The following KIF13B variants were observed in gnomAD, a reference collection of about 807,000 sequenced individuals.
KIF13B encodes kinesin family member 13B.
A neutral mutation model predicts 222.0 loss-of-function variants in KIF13B; 127 were observed. That is an observed-to-expected ratio of 0.57 (90% confidence interval 0.50 to 0.66). KIF13B has a LOEUF of 0.66. KIF13B is among the 30% of genes least tolerant of loss of function. The pLI is 0.00. For missense variants in KIF13B, 2,173 were observed against 2,379.0 expected (o/e 0.91, Z 1.80); for synonymous variants, 976 against 919.0 (o/e 1.06, Z -1.12).
chr8:29,126,446 G>A, intron 26 of KIF13B, 36 bp downstream of exon 26: 3 of 1,364,852 alleles, frequency 2.2e-6, no homozygotes, highest in Non-Finnish European at 3.1e-6. Context: ...CTTTAATCAT[G>A]CTTATTTGAG....
chr8:29,221,465 TAAA>T (rs758078417), intron 2 of KIF13B, among the ~76,000 whole-genome samples: 7 of 130,666 alleles, frequency 5.4e-5, no homozygotes, highest in Admixed American at 7.7e-5. Context: ...ACCCTGTATT[TAAA>T]AAAAAAAAAA....
chr8:29,172,729 C>T (rs1034507039), intron 10 of KIF13B, among the ~76,000 whole-genome samples: 1 of 152,140 alleles, frequency 6.6e-6, no homozygotes, highest in Non-Finnish European at 1.5e-5. Context: ...GTCATCTGAC[C>T]ACTGGGAACA....
intron 2 of KIF13B, among the ~76,000 whole-genome samples, chr8:29,225,448 G>A (rs10100409): frequency 0.14 from 21,615 of 152,138 alleles, 1,612 homozygotes; most frequent in Non-Finnish European, 0.16. Flanking sequence ...AGGTGGGAGC[G>A]TGACTGGAGA....
chr8:29,146,145 G>C (rs1811049862), intron 18 of KIF13B: 6 of 594,542 alleles, frequency 1.0e-5, no homozygotes. Flanking sequence ...TGAGTGAAAT[G>C]AACTGTCAGG....
chr8:29,209,003 T>C (rs1401512023), intron 2 of KIF13B, among the ~76,000 whole-genome samples: 1 of 152,218 alleles, frequency 6.6e-6, no homozygotes, highest in African/African-American at 2.4e-5. Flanking sequence ...AGTCTGTTTG[T>C]TCGCATTTGC....
chr8:29,200,158 G>A (rs1813630018), intron 2 of KIF13B, among the ~76,000 whole-genome samples: 1 of 152,110 alleles, frequency 6.6e-6, no homozygotes, highest in Non-Finnish European at 1.5e-5. Context: ...GGATTCTGAT[G>A]GCTATGACAG....
At chr8:29,109,364 GA>G (rs1809246403) in intron 34 of KIF13B, 69 bp downstream of exon 34, 1 of 1,213,076 alleles carries the variant, frequency 8.2e-7, no homozygotes, top group Non-Finnish European at 1.2e-6. Flanking sequence ...GGGTGGAGAA[GA>G]GTTACCCAAG....
chr8:29,071,991 A>C lies in KIF13B; in HGVS notation c.4847T>G (p.Val1616Gly). 1 of 1,304,826 alleles carries C rather than the reference A, an allele frequency of 7.7e-7. No homozygotes were observed. The highest frequency in any genetic ancestry group is 9.7e-7 in the Non-Finnish European group (1 of 1,030,434). The allele number at this position is 1,304,826 out of a possible 1,614,324, so 80.8% of individuals were successfully genotyped here. A position where few individuals can be genotyped will look rare whatever the true frequency, so the allele number is the denominator to read the frequency against. ...PISHPPPPTAVPAEEPPGPQQ... is the reference protein window; with the variant it reads ...PISHPPPPTAGPAEEPPGPQQ... ...GGGGCCAGGGGGCTCCTCGGCGGGGACGGCCGTGGGCGGTGGGGGGTGGCT... is the reference window on the plus strand; with the variant it reads ...GGGGCCAGGGGGCTCCTCGGCGGGGCCGGCCGTGGGCGGTGGGGGGTGGCT... The change falls in exon 39 of 40, where the codon GTC becomes GGC. Residue 1616 changes from valine to glycine, a missense_variant. Val to Gly is a moderately radical substitution (Grantham distance 109, BLOSUM62 -3). Around this residue, in one of 2 missense-constraint regions of KIF13B, gnomAD observed 693 missense variants for 656.2 expected, o/e 1.06. Transcript: ENST00000524189. This position sits in a 1 kb window ranked among gnomAD's most constrained non-coding sequence, Gnocchi z 4.9.
At chr8:29,181,532 T>C (rs570637489) in intron 7 of KIF13B, among the ~76,000 whole-genome samples, 2 of 152,310 alleles carry the variant, frequency 1.3e-5, no homozygotes, top group South Asian at 2.1e-4. Context: ...CAATTTTCTA[T>C]TAGAAGAAGA....
intron 37 of KIF13B, among the ~76,000 whole-genome samples, chr8:29,084,238 A>T (rs1646243812): frequency 6.6e-6 from 1 of 152,140 alleles, no homozygotes; most frequent in African/African-American, 2.4e-5. Context: ...TTTAGTTAGG[A>T]TGTTGAACCT....
chr8:29,250,116 C>T, intron 1 of KIF13B: 1 of 1,154,624 alleles, frequency 8.7e-7, no homozygotes, highest in South Asian at 1.3e-5. Context: ...TATCAACTCT[C>T]CGGAAATCTA....
At chr8:29,110,796 A>G (rs1038963845) in intron 32 of KIF13B, 1 of 152,238 alleles carries the variant, frequency 6.6e-6, no homozygotes, top group African/African-American at 2.4e-5. Flanking sequence ...TAGTTATTTC[A>G]AGCAAAGTGG....
intron 2 of KIF13B, among the ~76,000 whole-genome samples, chr8:29,200,659 A>C (rs913378552): frequency 3.9e-5 from 6 of 152,186 alleles, no homozygotes; most frequent in African/African-American, 1.2e-4. Context: ...AACCTCCTCC[A>C]AATTTTGCCA....
chr8:29,071,969 G>T lies in KIF13B; in HGVS notation c.4869C>A (p.Gly1623=). Residue 1623 remains glycine, a synonymous_variant, in exon 39 of 40, where the codon GGC becomes GGA. Coordinates refer to ENST00000524189, the MANE Select transcript of KIF13B (RefSeq NM_015254.4). The surrounding 1 kb of genome is among the most constrained non-coding windows in gnomAD (Gnocchi z 4.9). ...PTAVPAEEPP[G]PQQLVSPGRE... ...GACCGGGGCTCACGAGCTGCTGGGG[G>T]CCAGGGGGCTCCTCGGCGGGGACGG... 7.5e-7 allele frequency: 1 copy of T among 1,325,868 alleles called. No individual in the cohort carries two copies. The highest frequency in any genetic ancestry group is 1.8e-5 in the South Asian group (1 of 54,476). The allele number at this position is 1,325,868 out of a possible 1,614,324, so 82.1% of individuals were successfully genotyped here.
chr8:29,189,421 T>C (rs975811236), intron 4 of KIF13B: 1 of 151,946 alleles, frequency 6.6e-6, no homozygotes, highest in Admixed American at 6.6e-5. Context: ...ATGCTTAATA[T>C]TTAAAAGAGA....
intron 2 of KIF13B, among the ~76,000 whole-genome samples, chr8:29,216,955 C>T (rs1025846642): frequency 6.7e-6 from 1 of 149,024 alleles, no homozygotes; most frequent in African/African-American, 2.5e-5. Context: ...GACGTATATT[C>T]AGTCCAAAAA....
At chr8:29,105,651 T>C (rs13275345) in intron 35 of KIF13B, among the ~76,000 whole-genome samples, 11 of 11,332 alleles carry the variant, frequency 9.7e-4, no homozygotes, top group African/African-American at 1.8e-3. Context: ...GTTTGTTTGG[T>C]TTTTTTTTTT....
At chr8:29,182,435 G>A (rs991188864) in intron 6 of KIF13B, among the ~76,000 whole-genome samples, 2 of 152,150 alleles carry the variant, frequency 1.3e-5, no homozygotes, top group African/African-American at 4.8e-5. Context: ...ACAAAACTGG[G>A]CTTATCTCAG....
At chr8:29,121,688 A>G (rs1809866982) in intron 29 of KIF13B, among the ~76,000 whole-genome samples, 1 of 143,598 alleles carries the variant, frequency 7.0e-6, no homozygotes, top group Non-Finnish European at 1.5e-5. Flanking sequence ...ATGGCAACAA[A>G]AGCCAAAATT....
Sources: allele counts gnomAD v4.1 joint callset (sites outside exome capture counted in the v4.1 genomes callset), GRCh38; gene constraint gnomAD v4.1.1; regional missense constraint gnomAD v4.1.1; non-coding constraint Gnocchi (gnomAD v3.1); transcripts MANE v1.5; gene names NCBI Gene and HGNC (gene_info 2026-07-23, HGNC 2026-07-21).